The following SLC17A1 variants were observed in gnomAD, a reference collection of about 807,000 sequenced individuals.
The protein encoded by SLC17A1 is solute carrier family 17 member 1, also known as sodium-dependent phosphate transport protein 1.
Under a neutral mutation model 53.5 loss-of-function variants are expected in SLC17A1, and 51 were observed. The observed-to-expected ratio is 0.95, with a 90% CI of 0.76 to 1.20. The LOEUF (loss-of-function observed/expected upper bound fraction) is 1.20, where lower values mean the gene tolerates loss of function less well. Among genes scored for constraint, SLC17A1 ranks in the 50% most tolerant of loss-of-function variants. The pLI is 0.00. For synonymous variants in SLC17A1, 179 were observed against 198.8 expected (o/e 0.90, Z 0.84); for missense variants, 538 against 568.2 (o/e 0.95, Z 0.54).
At chr6:25,820,480 C>T (rs554970140) in intron 3 of SLC17A1, among the ~76,000 whole-genome samples, 44 of 152,246 alleles carry the variant, frequency 2.9e-4, no homozygotes, top group African/African-American at 8.7e-4. Context: ...AAGAAAAAGG[C>T]CATTTCTCTT....
chr6:25,828,127 G>T (rs1764818117), intron 2 of SLC17A1, among the ~76,000 whole-genome samples: 1 of 152,136 alleles, frequency 6.6e-6, no homozygotes, highest in Admixed American at 6.5e-5. Flanking sequence ...ACAGGTGTAG[G>T]ATAAAGCTAT....
chr6:25,773,622 T>A, the SLC17A1 span: 1 of 1,613,982 alleles, frequency 6.2e-7, no homozygotes, highest in African/African-American at 1.3e-5. Flanking sequence ...TATACCATTA[T>A]GGCGTACACA....
the SLC17A1 span, among the ~76,000 whole-genome samples, chr6:25,761,215 A>T: frequency 6.6e-6 from 1 of 152,258 alleles, no homozygotes; most frequent in South Asian, 2.1e-4. Flanking sequence ...TTCAAACCAT[A>T]ACTCAGGACA....
intron 6 of SLC17A1, among the ~76,000 whole-genome samples, chr6:25,817,154 G>C (rs1312188363): frequency 6.6e-6 from 1 of 152,078 alleles, no homozygotes; most frequent in African/African-American, 2.4e-5. Flanking sequence ...CAGCTGGCCA[G>C]GCCATTTTAA....
Position 25,782,919 on chromosome 6 carries a change from A to G in SLC17A1, c.*302T>C, listed in dbSNP as rs1305148655. ...GTCTTTCATGAAGCCTTAGAATAAA[A>G]TTTTATCTTGTGTGTATTTATTGGT... On this transcript the variant is annotated 3_prime_UTR_variant, in exon 13 of 13. Coordinates refer to ENST00000244527, the MANE Select transcript of SLC17A1 (RefSeq NM_005074.5). 2 of 152,218 alleles carry G rather than the reference A, an allele frequency of 1.3e-5. No individual in the cohort carries two copies. Among genetic ancestry groups the G allele is most frequent in the African/African-American group, 4.8e-5 (2 of 41,460 alleles). The allele number at this position is 152,218 out of a possible 1,614,324, so 9.4% of individuals were successfully genotyped here.
chr6:25,793,711 A>G (rs938168992), intron 12 of SLC17A1, among the ~76,000 whole-genome samples: 1 of 152,280 alleles, frequency 6.6e-6, no homozygotes. Flanking sequence ...TTCTTAATCC[A>G]GGGTCTGTGA....
At chr6:25,726,526 A>AT in the SLC17A1 span, 1 of 1,603,716 alleles carries the variant, frequency 6.2e-7, no homozygotes, top group Non-Finnish European at 8.5e-7. Context: ...TCGTCCAGAC[A>AT]TCTCCTCGCA....
intron 12 of SLC17A1, among the ~76,000 whole-genome samples, chr6:25,792,527 AG>A (rs1349083930): frequency 1.3e-5 from 2 of 152,354 alleles, no homozygotes; most frequent in African/African-American, 4.8e-5. Context: ...GACCCCCATC[AG>A]GATCATGCTG....
rs1455650804 is a variant in SLC17A1 at position 25,830,573 on chromosome 6, C to T, written c.-16G>A. 18 of 1,613,758 alleles carry T rather than the reference C, an allele frequency of 1.1e-5. No individual in the cohort carries two copies. The highest frequency in any genetic ancestry group is 1.7e-5 in the Admixed American group (1 of 60,022). ...CCATTTGCATACACGGCTGAAGTTG[C>T]TTCTCTTCTTGCTGAAGGGTTTTGC... On this transcript the variant is annotated 5_prime_UTR_variant, in exon 2 of 13. Coordinates refer to ENST00000244527, the MANE Select transcript of SLC17A1 (RefSeq NM_005074.5).
chr6:25,823,940 T>C (rs1431758727), intron 3 of SLC17A1, among the ~76,000 whole-genome samples: 1 of 151,976 alleles, frequency 6.6e-6, no homozygotes, highest in Non-Finnish European at 1.5e-5. Flanking sequence ...TAGCAGTAGG[T>C]AGTGTTACAC....
chr6:25,820,039 CT>C, intron 3 of SLC17A1, 124 bp from the exon 4 acceptor site: 1 of 620,976 alleles, frequency 1.6e-6, no homozygotes, highest in Non-Finnish European at 2.8e-6. Context: ...TACTAGTATT[CT>C]TTATCACAGG....
At chr6:25,814,983 T>TCTCA (rs773502408) in intron 6 of SLC17A1, among the ~76,000 whole-genome samples, 3,043 of 140,470 alleles carry the variant, frequency 0.022, 109 homozygotes, top group African/African-American at 0.068. Context: ...CAAGACTCTG[T>TCTCA]CACACAAACA....
At chr6:25,826,709 T>C in intron 2 of SLC17A1, 76 bp from the exon 3 acceptor site, 1 of 1,106,600 alleles carries the variant, frequency 9.0e-7, no homozygotes. Flanking sequence ...GGAGGGACAT[T>C]CAGAAATTTG....
the SLC17A1 span, among the ~76,000 whole-genome samples, chr6:25,731,462 C>T: frequency 6.6e-6 from 1 of 152,060 alleles, no homozygotes; most frequent in East Asian, 1.9e-4. Context: ...TAGAAAACGT[C>T]ATAGACAAAA....
the SLC17A1 span, chr6:25,727,079 T>C: frequency 3.1e-6 from 5 of 1,614,114 alleles, no homozygotes; most frequent in South Asian, 4.4e-5. Flanking sequence ...CTGGCATCTC[T>C]TCGAAAGCTA....
Position 25,802,935 on chromosome 6 carries a change from C to CTTTTTTTTTTTTTTTTTTTTTTTTT in SLC17A1, c.1179-1980_1179-1956dup, listed in dbSNP as rs34669145. 8.7e-5 allele frequency among the ~76,000 whole-genome samples: 4 copies of CTTTTTTTTTTTTTTTTTTTTTTTTT among 46,062 alleles called. 1 individual carries two copies. The highest frequency in any genetic ancestry group is 3.6e-4 in the African/African-American group (4 of 11,086). The allele number at this position is 46,062 out of a possible 152,430, so 30.2% of individuals were successfully genotyped here. On this transcript the variant is annotated intron_variant, in intron 10 of 12. Transcript: ENST00000244527. ...ATGACGTTTTAACGACTATCTTCTT[C>CTTTTTTTTTTTTTTTTTTTTTTTTT]TTTTTTTTTTTTTTTTTTTTTTTTT... is the stretch of plus-strand genomic sequence containing the variant.
At chr6:25,778,956 T>A, downstream of SLC17A1, 1 of 1,496,370 alleles carries the variant, frequency 6.7e-7, no homozygotes, top group South Asian at 1.3e-5. Flanking sequence ...AGAGTGGAGG[T>A]CGGGGAGGGA....
chr6:25,783,211 G>C lies in SLC17A1; in HGVS notation c.*10C>G, dbSNP rs941837605. 1 of 152,084 alleles carries C rather than the reference G, an allele frequency of 6.6e-6. No individual in the cohort carries two copies. Among genetic ancestry groups the C allele is most frequent in the African/African-American group, 2.4e-5 (1 of 41,402 alleles). 9.4% of individuals were successfully genotyped at this position (152,084 alleles called of 1,614,324 possible). A position where few individuals can be genotyped will look rare whatever the true frequency, so the allele number is the denominator to read the frequency against. ...TTGTCCCAGGCTCTGCAAGTGCTCT[G>C]TTTCACACTAAGTTTTGTAAACAAA... On this transcript the variant is annotated 3_prime_UTR_variant, in exon 13 of 13. Transcript: ENST00000244527.
At chr6:25,785,297 A>G (rs1168228868) in intron 12 of SLC17A1, among the ~76,000 whole-genome samples, 1 of 152,150 alleles carries the variant, frequency 6.6e-6, no homozygotes, top group Admixed American at 6.5e-5. Flanking sequence ...ATTACCTCAC[A>G]CTATTTTTAA....
Sources: gnomAD v4.1 joint callset for allele counts (sites outside exome capture counted in the v4.1 genomes callset) on GRCh38, gnomAD v4.1.1 for gene constraint, MANE v1.5 for transcripts, NCBI Gene and HGNC (gene_info 2026-07-23, HGNC 2026-07-21) for gene names.